CACNA2D3: variants seen among roughly 807,000 people sequenced by gnomAD.
The protein encoded by CACNA2D3 is voltage-dependent calcium channel subunit alpha-2/delta-3.
CACNA2D3 carries 60 observed loss-of-function variants against 160.6 expected under a neutral mutation model. The observed-to-expected ratio is 0.37, with a 90% CI of 0.30 to 0.46. The LOEUF (loss-of-function observed/expected upper bound fraction) is 0.46. Ranked by LOEUF, CACNA2D3 falls within the 20% of genes least tolerant of loss-of-function variation. The pLI is 1.00. For missense variants in CACNA2D3, 1,205 were observed against 1,365.0 expected (o/e 0.88, Z 1.85); for synonymous variants, 558 against 492.9 (o/e 1.13, Z -1.75).
At chr3:54,448,053 TC>T (rs1376865612) in intron 4 of CACNA2D3, among the ~76,000 whole-genome samples, 1 of 152,230 alleles carries the variant, frequency 6.6e-6, no homozygotes, top group Non-Finnish European at 1.5e-5. Flanking sequence ...TAAGGATGAA[TC>T]CAGGGGCTCA....
chr3:54,607,966 G>T (rs1295057983), intron 9 of CACNA2D3, among the ~76,000 whole-genome samples: 1 of 151,912 alleles, frequency 6.6e-6, no homozygotes, highest in Non-Finnish European at 1.5e-5. Flanking sequence ...TAAAATTATA[G>T]TGATAGAAAA....
At chr3:54,175,545 A>G (rs974754468) in intron 2 of CACNA2D3, among the ~76,000 whole-genome samples, 2 of 149,818 alleles carry the variant, frequency 1.3e-5, no homozygotes, top group Admixed American at 6.6e-5. Context: ...CCCGGGAGGC[A>G]GAACTTGCAG....
At chr3:54,773,199 T>G (rs1397420971) in intron 13 of CACNA2D3, among the ~76,000 whole-genome samples, 1 of 152,248 alleles carries the variant, frequency 6.6e-6, no homozygotes, top group East Asian at 1.9e-4. Flanking sequence ...ATTGCACATT[T>G]GTTTCAGTTT....
intron 31 of CACNA2D3, among the ~76,000 whole-genome samples, chr3:55,001,637 A>C (rs182087946): frequency 6.6e-6 from 1 of 152,346 alleles, no homozygotes. Context: ...TCACTATGTC[A>C]CATTGCCTTC....
chr3:54,925,250 A>C (rs1261527665), intron 27 of CACNA2D3: 11 of 1,554,780 alleles, frequency 7.1e-6, no homozygotes, highest in Non-Finnish European at 8.8e-7. Context: ...GATAGGAACC[A>C]GTTTGTGAGG....
At chr3:55,071,049 T>G (rs1704792521) in intron 35 of CACNA2D3, among the ~76,000 whole-genome samples, 1 of 152,212 alleles carries the variant, frequency 6.6e-6, no homozygotes, top group Admixed American at 6.5e-5. Context: ...ATTATGTGAC[T>G]AAAGAATCAT....
At chr3:54,264,472 A>C (rs1026629444) in intron 2 of CACNA2D3, among the ~76,000 whole-genome samples, 2 of 152,216 alleles carry the variant, frequency 1.3e-5, no homozygotes, top group East Asian at 3.9e-4. Context: ...TCAAGGGAGC[A>C]TGCTCATCTT....
intron 4 of CACNA2D3, among the ~76,000 whole-genome samples, chr3:54,461,262 C>G (rs574632347): frequency 7.3e-5 from 11 of 151,544 alleles, no homozygotes; most frequent in African/African-American, 1.7e-4. Flanking sequence ...CTCTGCCCAG[C>G]TTTGGTATCA....
intron 35 of CACNA2D3, among the ~76,000 whole-genome samples, chr3:55,042,166 G>A (rs1703972285): frequency 6.6e-6 from 1 of 152,140 alleles, no homozygotes; most frequent in African/African-American, 2.4e-5. Flanking sequence ...ATTAGGTCAA[G>A]ACATTGTGTT....
At chr3:54,520,926 T>C (rs1701638202) in intron 5 of CACNA2D3, among the ~76,000 whole-genome samples, 1 of 152,256 alleles carries the variant, frequency 6.6e-6, no homozygotes, top group Admixed American at 6.5e-5. Context: ...TTTCCATTTG[T>C]ACCATATATC....
intron 5 of CACNA2D3, among the ~76,000 whole-genome samples, chr3:54,509,876 T>C (rs1701432266): frequency 6.6e-6 from 1 of 152,254 alleles, no homozygotes. Context: ...CTATTGGCAA[T>C]GCCTCCATAC....
chr3:54,427,538 C>T (rs1385537407), intron 4 of CACNA2D3, among the ~76,000 whole-genome samples: 2 of 152,126 alleles, frequency 1.3e-5, no homozygotes, highest in East Asian at 1.9e-4. Context: ...GTAGGATCTC[C>T]AGATACAATA....
Position 54,331,924 on chromosome 3 carries a change from C to T in CACNA2D3, c.321+11366C>T, listed in dbSNP as rs529660049. Among the ~76,000 whole-genome samples, 22 of 152,258 alleles carry T rather than the reference C, an allele frequency of 1.4e-4. 1 individual carries two copies. In the South Asian group the frequency reaches 4.6e-3, roughly 32 times the overall value. On this transcript the variant is annotated intron_variant, in intron 3 of 37. Transcript: ENST00000474759. ...ATCGGCAAATGAAAATCAGAGCTATCCCCTCCCTCCCTCAATCTACCCTGG... is the reference window on the plus strand; with the variant it reads ...ATCGGCAAATGAAAATCAGAGCTATTCCCTCCCTCCCTCAATCTACCCTGG...
At chr3:54,794,479 T>C (rs1407125382) in intron 13 of CACNA2D3, among the ~76,000 whole-genome samples, 1 of 152,210 alleles carries the variant, frequency 6.6e-6, no homozygotes, top group Non-Finnish European at 1.5e-5. Flanking sequence ...GTTTTTCATT[T>C]CTGGTGCTAT....
intron 11 of CACNA2D3, among the ~76,000 whole-genome samples, chr3:54,687,926 A>G (rs1191659699): frequency 6.6e-6 from 1 of 152,214 alleles, no homozygotes; most frequent in East Asian, 1.9e-4. Context: ...TGTCTCAAAG[A>G]CACCTTAGCC....
intron 4 of CACNA2D3, among the ~76,000 whole-genome samples, chr3:54,466,323 G>T (rs892013265): frequency 3.9e-5 from 6 of 152,098 alleles, no homozygotes; most frequent in African/African-American, 1.4e-4. Flanking sequence ...ACTAAAAGAA[G>T]TCTCAAATTA....
intron 9 of CACNA2D3, among the ~76,000 whole-genome samples, chr3:54,583,985 C>T (rs1262973752): frequency 6.6e-6 from 1 of 151,628 alleles, no homozygotes; most frequent in East Asian, 1.9e-4. Context: ...AACACTTTTT[C>T]TACTCCAGCT....
At chr3:54,708,574 G>C (rs1205181672) in intron 11 of CACNA2D3, among the ~76,000 whole-genome samples, 2 of 152,168 alleles carry the variant, frequency 1.3e-5, no homozygotes, top group African/African-American at 2.4e-5. Context: ...TCTTAGCATT[G>C]AATACCCCCA....
intron 35 of CACNA2D3, among the ~76,000 whole-genome samples, chr3:55,033,580 G>GTA (rs1333000877): frequency 3.5e-5 from 2 of 56,862 alleles, no homozygotes; most frequent in Non-Finnish European, 6.4e-5. Context: ...ATTTATGTGT[G>GTA]TGTGTATATA....
Sources: allele counts gnomAD v4.1 joint callset (sites outside exome capture counted in the v4.1 genomes callset), GRCh38; gene constraint gnomAD v4.1.1; transcripts MANE v1.5; gene names NCBI Gene and HGNC (gene_info 2026-07-23, HGNC 2026-07-21).